The following MOGAT1 variants were observed in gnomAD, a reference collection of about 807,000 sequenced individuals.
The protein encoded by MOGAT1 is monoacylglycerol O-acyltransferase 1, also known as 2-acylglycerol O-acyltransferase 1.
In MOGAT1, 32 loss-of-function variants were observed where a neutral mutation model predicts 31.4. The observed-to-expected ratio is 1.02, with a 90% confidence interval of 0.77 to 1.37. The LOEUF (loss-of-function observed/expected upper bound fraction) is 1.37. MOGAT1 is among the 40% of genes most tolerant of loss of function. The probability of loss-of-function intolerance (pLI) is 0.00; values close to 1 mark genes in which losing one functional copy is unlikely to be tolerated. For synonymous variants in MOGAT1, 145 were observed against 144.5 expected, an observed-to-expected ratio of 1.00 and a Z score of -0.03; for missense variants, 426 against 402.0, an observed-to-expected ratio of 1.06 and a Z score of -0.51.
chr2:222,694,341 C>T, intron 3 of MOGAT1, 21 bp from the exon 4 acceptor site: 1 of 1,573,358 alleles, frequency 6.4e-7, no homozygotes, highest in Non-Finnish European at 8.6e-7. Flanking sequence ...TAACTAGTTA[C>T]TTTTTGTTTT....
chr2:222,691,977 T>G (rs1692769354), intron 3 of MOGAT1, among the ~76,000 whole-genome samples: 1 of 152,244 alleles, frequency 6.6e-6, no homozygotes, highest in Non-Finnish European at 1.5e-5. Context: ...CCCTTAAGGC[T>G]GGACAGGTAA....
chr2:222,697,576 C>CTTTTTTTT (rs35259095), intron 5 of MOGAT1, among the ~76,000 whole-genome samples: 2 of 96,030 alleles, frequency 2.1e-5, no homozygotes, highest in African/African-American at 4.4e-5. Context: ...TTATCAGAAT[C>CTTTTTTTT]TTTTTTTTTT....
intron 1 of MOGAT1, among the ~76,000 whole-genome samples, chr2:222,675,481 C>CTT (rs66486955): frequency 0.013 from 1,673 of 133,328 alleles, 37 homozygotes; most frequent in Non-Finnish European, 0.018. Flanking sequence ...TTTTCTTTTT[C>CTT]TTTTTTTTTT....
At position 222,671,699 on chromosome 2, in the gene MOGAT1, G is replaced by A; in HGVS notation, c.-87G>A. The A allele has an allele frequency of 5.2e-6, 6 of 1,163,640 alleles. No homozygotes were observed. Among genetic ancestry groups the A allele is most frequent in the Non-Finnish European group, 5.0e-6 (4 of 807,934 alleles). 72.1% of individuals were successfully genotyped at this position (1,163,640 alleles called of 1,614,324 possible). On this transcript the variant is annotated 5_prime_UTR_variant, in exon 1 of 6. Coordinates refer to ENST00000446656, the MANE Select transcript of MOGAT1 (RefSeq NM_058165.3). Reference sequence around the variant, plus strand: ...CCAGCCAGTGCCCAGCGCGGGGCCCGGATCCGGCCGGGCACTTCCCACAGG... The same window carrying A: ...CCAGCCAGTGCCCAGCGCGGGGCCCAGATCCGGCCGGGCACTTCCCACAGG...
At chr2:222,693,010 C>T (rs552077719) in intron 3 of MOGAT1, among the ~76,000 whole-genome samples, 44 of 152,306 alleles carry the variant, frequency 2.9e-4, no homozygotes, top group African/African-American at 9.1e-4. Flanking sequence ...CTTAAGAGGG[C>T]AGTTGGTCAT....
rs1421810932 is a variant in MOGAT1 at position 222,689,323 on chromosome 2, A to T, written c.332A>T (p.His111Leu). The T allele has an allele frequency of 1.2e-6, 2 of 1,613,936 alleles. No homozygotes were observed. Among genetic ancestry groups the T allele is most frequent in the African/African-American group, 2.7e-5 (2 of 74,958 alleles). The part of the protein sequence containing the change: ...SHNYIFGFHP[H>L]GIMAVGAFGN... ...AACTATATATTTGGGTTTCACCCCCATGGAATAATGGCAGTTGGAGCCTTT... is the reference window on the plus strand; with the variant it reads ...AACTATATATTTGGGTTTCACCCCCTTGGAATAATGGCAGTTGGAGCCTTT... Residue 111 changes from histidine to leucine, a missense_variant, in exon 3 of 6, where the codon CAT becomes CTT. Physicochemically the swap from His to Leu is moderately conservative, Grantham distance 99. Coordinates refer to ENST00000446656, the MANE Select transcript of MOGAT1 (RefSeq NM_058165.3).
chr2:222,678,371 C>T (rs754140120), intron 1 of MOGAT1: 1 of 152,134 alleles, frequency 6.6e-6, no homozygotes, highest in Non-Finnish European at 1.5e-5. Flanking sequence ...TGCTTAGTTG[C>T]CATCTCTATT....
chr2:222,707,350 A>G (rs1294511261), intron 5 of MOGAT1, among the ~76,000 whole-genome samples: 1 of 68,820 alleles, frequency 1.5e-5, no homozygotes. Flanking sequence ...AAAGAAAGAA[A>G]AAGAAAGAAA....
At chr2:222,696,598 T>C (rs1423754417) in intron 5 of MOGAT1, among the ~76,000 whole-genome samples, 1 of 152,228 alleles carries the variant, frequency 6.6e-6, no homozygotes, top group Non-Finnish European at 1.5e-5. Flanking sequence ...CCTTAGCCCT[T>C]TTTGATGGGA....
chr2:222,696,923 C>T (rs1476587859), intron 5 of MOGAT1, among the ~76,000 whole-genome samples: 1 of 152,042 alleles, frequency 6.6e-6, no homozygotes, highest in African/African-American at 2.4e-5. Flanking sequence ...GCTTGTAATC[C>T]CAGTGCTTTG....
intron 3 of MOGAT1, among the ~76,000 whole-genome samples, chr2:222,689,761 G>T (rs1209071235): frequency 2.0e-5 from 3 of 152,192 alleles, no homozygotes; most frequent in African/African-American, 7.2e-5. Flanking sequence ...AGTAATGAAT[G>T]CAGTTTGTGT....
chr2:222,690,029 C>A (rs1329330557), intron 3 of MOGAT1, among the ~76,000 whole-genome samples: 1 of 151,966 alleles, frequency 6.6e-6, no homozygotes, highest in Non-Finnish European at 1.5e-5. Flanking sequence ...CTGAGGCGGG[C>A]AGATCTCTTG....
chr2:222,685,470 C>T (rs985811246), intron 1 of MOGAT1, among the ~76,000 whole-genome samples: 1 of 152,074 alleles, frequency 6.6e-6, no homozygotes, highest in African/African-American at 2.4e-5. Flanking sequence ...AGTTCCATTC[C>T]AGACCTACAT....
Position 222,709,806 on chromosome 2 carries a change from C to T in MOGAT1, c.924C>T (p.Thr308=), listed in dbSNP as rs986767772. The change falls in exon 6 of 6, where the codon ACC becomes ACT. Residue 308 remains threonine, a synonymous_variant. Coordinates refer to ENST00000446656, the MANE Select transcript of MOGAT1 (RefSeq NM_058165.3). ...TQEQIEELHQ[T]YMEELRKLFE... ...AGCAGATTGAGGAGTTACATCAGAC[C>T]TATATGGAGGAACTTAGGAAATTGT... 4 of 1,613,368 alleles carry T rather than the reference C, an allele frequency of 2.5e-6. No homozygotes were observed. Among genetic ancestry groups the T allele is most frequent in the South Asian group, 1.1e-5 (1 of 91,050 alleles).
At chr2:222,695,880 T>G (rs968967516) in intron 5 of MOGAT1, among the ~76,000 whole-genome samples, 2 of 152,200 alleles carry the variant, frequency 1.3e-5, no homozygotes, top group African/African-American at 4.8e-5. Flanking sequence ...CAGTGTATAC[T>G]CCACCCAATA....
chr2:222,683,720 C>A (rs1410128594), intron 1 of MOGAT1, among the ~76,000 whole-genome samples: 6 of 151,762 alleles, frequency 4.0e-5, no homozygotes, highest in Non-Finnish European at 1.5e-5. Context: ...AAGTGAGACT[C>A]CGTTTCAAAA....
chr2:222,678,101 C>G (rs1692524978), intron 1 of MOGAT1: 1 of 204,180 alleles, frequency 4.9e-6, no homozygotes, highest in Admixed American at 5.3e-5. Flanking sequence ...AAATATCTAG[C>G]CAGCCTGCTG....
intron 1 of MOGAT1, among the ~76,000 whole-genome samples, chr2:222,680,045 A>C (rs565482646): frequency 6.9e-4 from 105 of 152,342 alleles, no homozygotes; most frequent in Non-Finnish European, 1.1e-3. Flanking sequence ...TCTATTTTGC[A>C]GAATGGAGGC....
rs200150275 is a variant in MOGAT1, at chr2:222,689,239, A to T, written c.274-26A>T. On this transcript the variant is annotated intron_variant, in intron 2 of 5. Coordinates refer to ENST00000446656, the MANE Select transcript of MOGAT1 (RefSeq NM_058165.3). ...ATAATAAGGGAAGTTTCTTTTTTTT[A>T]AAATCTCAATATGAATGTGCTGTAG... 528 of 1,535,232 alleles carry T rather than the reference A, an allele frequency of 3.4e-4. 1 individual carries two copies. In the African/African-American group the frequency reaches 5.0e-3, roughly 15 times the overall value.
Sources: gnomAD v4.1 joint callset for allele counts (sites outside exome capture counted in the v4.1 genomes callset) on GRCh38, gnomAD v4.1.1 for gene constraint, MANE v1.5 for transcripts, NCBI Gene and HGNC (gene_info 2026-07-23, HGNC 2026-07-21) for gene names.